Variants in GPC6 observed in about 807,000 individuals in gnomAD.
GPC6 encodes glypican-6.
Under a neutral mutation model 55.2 loss-of-function variants are expected in GPC6, and 14 were observed. The ratio of observed to expected loss-of-function variants is 0.25; its 90% CI spans 0.17 to 0.40. GPC6 has a LOEUF of 0.40. Among genes scored for constraint, GPC6 ranks in the 10% least tolerant of loss-of-function variants. The pLI, the probability that GPC6 is intolerant of heterozygous loss-of-function variation, is 1.00. For missense variants in GPC6, 641 were observed against 708.5 expected (o/e 0.90, Z 1.08); for synonymous variants, 278 against 259.6 (o/e 1.07, Z -0.68).
chr13:93,894,257 C>A (rs767197717), intron 3 of GPC6, among the ~76,000 whole-genome samples: 1 of 152,172 alleles, frequency 6.6e-6, no homozygotes, highest in African/African-American at 2.4e-5. Flanking sequence ...GTGAATATTA[C>A]AATCTGTAGT....
At chr13:94,326,236 C>CACACACAG (rs1555320293) in intron 6 of GPC6, among the ~76,000 whole-genome samples, 39 of 151,370 alleles carry the variant, frequency 2.6e-4, no homozygotes, top group Admixed American at 2.2e-3. Context: ...CACACACACA[C>CACACACAG]AGGCACATAT....
intron 6 of GPC6, among the ~76,000 whole-genome samples, chr13:94,367,142 C>T (rs1188717652): frequency 6.6e-6 from 1 of 152,198 alleles, no homozygotes; most frequent in Admixed American, 6.5e-5. Context: ...GTCAAGAATG[C>T]TCTAGAAGCG....
At chr13:93,250,618 A>G (rs1876756051) in intron 1 of GPC6, among the ~76,000 whole-genome samples, 2 of 152,222 alleles carry the variant, frequency 1.3e-5, no homozygotes, top group Non-Finnish European at 1.5e-5. Flanking sequence ...GGAGGGCTCT[A>G]GGGATTGCTG....
intron 1 of GPC6, among the ~76,000 whole-genome samples, chr13:93,308,337 A>G (rs1305255413): frequency 6.6e-6 from 1 of 152,258 alleles, no homozygotes; most frequent in Non-Finnish European, 1.5e-5. Flanking sequence ...GGCATAACTT[A>G]TAATTACATA....
intron 1 of GPC6, among the ~76,000 whole-genome samples, chr13:93,293,477 G>A (rs1464390323): frequency 6.6e-6 from 1 of 151,130 alleles, no homozygotes; most frequent in Non-Finnish European, 1.5e-5. Flanking sequence ...GTGAGTTGTT[G>A]AGTGTGAGTA....
chr13:93,902,667 C>T (rs1014964873), intron 3 of GPC6, among the ~76,000 whole-genome samples: 2 of 152,124 alleles, frequency 1.3e-5, no homozygotes, highest in Non-Finnish European at 1.5e-5. Flanking sequence ...TTTATATTCC[C>T]GCTAACAGTT....
intron 4 of GPC6, among the ~76,000 whole-genome samples, chr13:94,229,922 A>T (rs1385654352): frequency 6.6e-6 from 1 of 152,138 alleles, no homozygotes; most frequent in Non-Finnish European, 1.5e-5. Flanking sequence ...ATATTCTATG[A>T]CCTTTTGTGT....
chr13:93,981,989 C>T (rs1594640253), intron 3 of GPC6, among the ~76,000 whole-genome samples: 1 of 152,190 alleles, frequency 6.6e-6, no homozygotes, highest in East Asian at 1.9e-4. Context: ...TTCCTGAAAT[C>T]ATAATAGCAC....
intron 6 of GPC6, among the ~76,000 whole-genome samples, chr13:94,324,456 C>T (rs570577449): frequency 1.3e-5 from 2 of 151,992 alleles, no homozygotes; most frequent in African/African-American, 4.8e-5. Flanking sequence ...TGAAGGTGAA[C>T]ACAGGGACAA....
At chr13:94,367,102 G>A (rs1594210903) in intron 6 of GPC6, among the ~76,000 whole-genome samples, 1 of 152,208 alleles carries the variant, frequency 6.6e-6, no homozygotes, top group East Asian at 1.9e-4. Context: ...TCTGTCATTA[G>A]AAACATTTAA....
At chr13:94,310,443 C>T (rs2139117174) in intron 6 of GPC6, among the ~76,000 whole-genome samples, 1 of 152,274 alleles carries the variant, frequency 6.6e-6, no homozygotes, top group East Asian at 1.9e-4. Context: ...GAATGCCAAC[C>T]AACAAAGCTC....
intron 1 of GPC6, among the ~76,000 whole-genome samples, chr13:93,287,750 A>G (rs1415214711): frequency 6.6e-6 from 1 of 152,238 alleles, no homozygotes; most frequent in African/African-American, 2.4e-5. Context: ...AATGAGATCC[A>G]TATGTTTGAT....
chr13:93,676,145 A>G, intron 2 of GPC6, among the ~76,000 whole-genome samples: 2 of 14,554 alleles, frequency 1.4e-4, no homozygotes, highest in Non-Finnish European at 1.3e-3. Flanking sequence ...ATATATATAT[A>G]TATATATATA....
intron 5 of GPC6, among the ~76,000 whole-genome samples, chr13:94,296,335 C>A (rs1566646268): frequency 6.6e-6 from 1 of 152,324 alleles, no homozygotes; most frequent in African/African-American, 2.4e-5. Context: ...GAGAAGATTA[C>A]ATTTAATGTA....
rs1205824524 is a variant in GPC6, at chr13:93,882,726, T to TA, written c.711+52187dup. Among the ~76,000 whole-genome samples the TA allele has an allele frequency of 4.6e-5, 7 of 152,220 alleles. No homozygotes were observed. In the South Asian group the frequency reaches 1.0e-3, roughly 23 times the overall value. ...AATTTATATAAAGAGATTTAGATTG[T>TA]AAAAAATATGAAATAGAAATGAAAG... On this transcript the variant is annotated intron_variant, in intron 3 of 8. Transcript: ENST00000377047.
intron 3 of GPC6, among the ~76,000 whole-genome samples, chr13:93,980,003 A>G (rs957086692): frequency 1.3e-5 from 2 of 152,166 alleles, no homozygotes; most frequent in Non-Finnish European, 2.9e-5. Context: ...TCAGAGCTTG[A>G]AGAACTTTCC....
intron 4 of GPC6, among the ~76,000 whole-genome samples, chr13:94,270,868 C>T (rs981541905): frequency 1.3e-5 from 2 of 151,058 alleles, no homozygotes; most frequent in Admixed American, 1.3e-4. Flanking sequence ...AAAGTATGGG[C>T]CCACAGCTTT....
At chr13:93,547,785 T>TTAA (rs201943774) in intron 2 of GPC6, among the ~76,000 whole-genome samples, 23 of 150,540 alleles carry the variant, frequency 1.5e-4, no homozygotes, top group East Asian at 9.7e-4. Context: ...GCACTTAGAC[T>TTAA]TAATAATAAT....
chr13:93,850,500 T>C (rs1315680184), intron 3 of GPC6, among the ~76,000 whole-genome samples: 2 of 152,004 alleles, frequency 1.3e-5, no homozygotes, highest in Non-Finnish European at 2.9e-5. Context: ...ATATGAAAAT[T>C]CACTGTTTAT....
Sources: gnomAD v4.1 joint callset for allele counts (sites outside exome capture counted in the v4.1 genomes callset) on GRCh38, gnomAD v4.1.1 for gene constraint, MANE v1.5 for transcripts, NCBI Gene and HGNC (gene_info 2026-07-23, HGNC 2026-07-21) for gene names.